The following MAPK6 variants were observed in gnomAD, a reference collection of about 807,000 sequenced individuals.
The protein encoded by MAPK6 is ERK-3.
Under a neutral mutation model 59.3 loss-of-function variants are expected in MAPK6, and 19 were observed. That is an observed-to-expected ratio of 0.32 (90% CI 0.22 to 0.47). The LOEUF (loss-of-function observed/expected upper bound fraction) is 0.47, where lower values mean the gene tolerates loss of function less well. Among genes scored for constraint, MAPK6 ranks in the 20% least tolerant of loss-of-function variants. The pLI is 1.00. For synonymous variants in MAPK6, 316 were observed against 290.3 expected (o/e 1.09, Z -0.90); for missense variants, 724 against 847.9 (o/e 0.85, Z 1.81).
intron 2 of MAPK6, among the ~76,000 whole-genome samples, chr15:51,991,644 G>A (rs1157922696): frequency 6.6e-6 from 1 of 152,174 alleles, no homozygotes; most frequent in Non-Finnish European, 1.5e-5. Context: ...AATCAGAAAA[G>A]GCTATGTCAT....
intron 2 of MAPK6, among the ~76,000 whole-genome samples, chr15:51,995,041 G>A (rs992000985): frequency 6.6e-6 from 1 of 152,216 alleles, no homozygotes; most frequent in African/African-American, 2.4e-5. Context: ...GCATGATGGG[G>A]CATTTTCACA....
chr15:51,973,448 C>A (rs1301375572), intron 1 of MAPK6, among the ~76,000 whole-genome samples: 1 of 151,790 alleles, frequency 6.6e-6, no homozygotes, highest in Non-Finnish European at 1.5e-5. Context: ...CTCAAGAGGT[C>A]CTCCTGCCTC....
intron 1 of MAPK6, among the ~76,000 whole-genome samples, chr15:52,037,027 C>CG (rs2031265879): frequency 6.6e-6 from 1 of 152,018 alleles, no homozygotes; most frequent in Non-Finnish European, 1.5e-5. Context: ...TGGCCAGATG[C>CG]GGGGCTGATC....
chr15:52,013,013 AAAAAAAAATATATATATATATATATATAT>A (rs2030127412), intron 3 of MAPK6, among the ~76,000 whole-genome samples: 2 of 31,362 alleles, frequency 6.4e-5, no homozygotes, highest in African/African-American at 2.7e-4. Context: ...AAAAAAAAAA[AAAAAAAAATATATATATATATATATATAT>A]ATATATATAT....
chr15:52,058,899 C>A, intron 4 of MAPK6, 102 bp downstream of exon 4: 1 of 955,808 alleles, frequency 1.0e-6, no homozygotes, highest in Non-Finnish European at 1.5e-6. Context: ...GGGCTTTCTC[C>A]AAAATAGTCT....
chr15:52,056,589 T>G (rs1336612723), intron 3 of MAPK6: 1 of 152,002 alleles, frequency 6.6e-6, no homozygotes. Context: ...TAAGTCCTCA[T>G]TTTGAGCCAT....
At chr15:52,043,053 G>T (rs920434121) in intron 1 of MAPK6, among the ~76,000 whole-genome samples, 1 of 152,042 alleles carries the variant, frequency 6.6e-6, no homozygotes, top group Non-Finnish European at 1.5e-5. Context: ...GATTGCTTGA[G>T]CCCAGAATGC....
intron 1 of MAPK6, among the ~76,000 whole-genome samples, chr15:52,033,203 A>G (rs1323916478): frequency 6.6e-6 from 1 of 152,164 alleles, no homozygotes; most frequent in African/African-American, 2.4e-5. Flanking sequence ...TTAAGTGTCA[A>G]CTTGATTGGA....
intron 1 of MAPK6, among the ~76,000 whole-genome samples, chr15:52,022,266 T>G (rs574952648): frequency 1.1e-4 from 17 of 152,270 alleles, no homozygotes; most frequent in African/African-American, 4.1e-4. Flanking sequence ...AGTAAAGTGT[T>G]TGTTGTTTTT....
chr15:51,996,227 A>G (rs1474884212), intron 2 of MAPK6, among the ~76,000 whole-genome samples: 1 of 151,906 alleles, frequency 6.6e-6, no homozygotes, highest in Non-Finnish European at 1.5e-5. Context: ...AGAAGACCTA[A>G]CCTCTTCTAA....
chr15:51,980,835 G>A (rs749621663), intron 1 of MAPK6, among the ~76,000 whole-genome samples: 2 of 151,186 alleles, frequency 1.3e-5, no homozygotes, highest in South Asian at 2.1e-4. Flanking sequence ...CAGGTGGTCC[G>A]CCCACCTCAG....
intron 3 of MAPK6, among the ~76,000 whole-genome samples, chr15:52,008,350 A>T (rs1326359255): frequency 6.6e-6 from 1 of 152,188 alleles, no homozygotes; most frequent in Non-Finnish European, 1.5e-5. Flanking sequence ...TTCGGTTTGA[A>T]GTTCTGGTTC....
chr15:52,058,851 C>CTGTGTAG, intron 4 of MAPK6, 54 bp downstream of exon 4: 1 of 1,483,534 alleles, frequency 6.7e-7, no homozygotes, highest in South Asian at 1.4e-5. Flanking sequence ...GAGGCAGAAT[C>CTGTGTAG]TGTGTAGGGA....
Position 52,034,216 on chromosome 15 carries a change from C to T in MAPK6, c.-631-11614C>T, listed in dbSNP as rs1228467863. On this transcript the variant is annotated intron_variant, in intron 1 of 5. Transcript: ENST00000261845. ...GCCAGGCTGGTTTCAAACTCCTCAC[C>T]TCAGGTGATCCGCCCGCCTCAGCCT... Among the ~76,000 whole-genome samples, 3 of 152,062 alleles carry T rather than the reference C, an allele frequency of 2.0e-5. No homozygotes were observed. The East Asian group carries it at 5.8e-4, about 29-fold the overall frequency.
chr15:51,992,334 C>T (rs1300422014), intron 2 of MAPK6, among the ~76,000 whole-genome samples: 3 of 138,556 alleles, frequency 2.2e-5, no homozygotes, highest in Non-Finnish European at 4.5e-5. Flanking sequence ...CAGAGTCTCG[C>T]ACTCTAGCCC....
chr15:52,026,826 C>G lies in MAPK6; in HGVS notation c.-632+7450C>G, dbSNP rs373095870. Among the ~76,000 whole-genome samples, 38 of 151,242 alleles carry G rather than the reference C, an allele frequency of 2.5e-4. 1 individual carries two copies. In the East Asian group the frequency reaches 5.9e-3, roughly 24 times the overall value. ...CAGCACTTTGGGAGGCCGAGGCAGG[C>G]GGATCACAAAGTCAGGAGTTCTAGA... On this transcript the variant is annotated intron_variant, in intron 1 of 5. Transcript: ENST00000261845.
chr15:51,998,264 G>A (rs139644525), intron 2 of MAPK6, among the ~76,000 whole-genome samples: 1 of 152,074 alleles, frequency 6.6e-6, no homozygotes, highest in African/African-American at 2.4e-5. Context: ...CTTAGTGGTA[G>A]CACAATCTCG....
intron 1 of MAPK6, among the ~76,000 whole-genome samples, chr15:52,043,269 T>G (rs1428546590): frequency 6.6e-6 from 1 of 152,160 alleles, no homozygotes. Flanking sequence ...TGAAACTTTT[T>G]TACCAATACA....
upstream of MAPK6, among the ~76,000 whole-genome samples, chr15:52,015,208 T>C (rs1165960063): frequency 6.6e-6 from 1 of 151,832 alleles, no homozygotes; most frequent in African/African-American, 2.4e-5. Context: ...ACCATGTTGG[T>C]CAGGCTGGTC....
Sources: allele counts gnomAD v4.1 joint callset (sites outside exome capture counted in the v4.1 genomes callset), GRCh38; gene constraint gnomAD v4.1.1; transcripts MANE v1.5; gene names NCBI Gene and HGNC (gene_info 2026-07-23, HGNC 2026-07-21).